Variants in NPR3 observed in about 807,000 individuals in gnomAD.
NPR3 encodes atrial natriuretic peptide receptor 3.
A neutral mutation model predicts 54.5 loss-of-function variants in NPR3; 34 were observed. That is an observed-to-expected ratio of 0.62 (90% CI 0.47 to 0.83). The LOEUF is 0.83. Ranked by LOEUF, NPR3 falls within the 40% of genes least tolerant of loss-of-function variation. The probability of loss-of-function intolerance (pLI) is 0.00; values close to 1 mark genes in which losing one functional copy is unlikely to be tolerated. For synonymous variants in NPR3, 289 were observed against 297.1 expected (o/e 0.97, Z 0.28); for missense variants, 674 against 720.8 (o/e 0.94, Z 0.74).
chr5:32,699,408 A>G (rs1451359083), intron 1 of NPR3, among the ~76,000 whole-genome samples: 1 of 151,830 alleles, frequency 6.6e-6, no homozygotes, highest in Non-Finnish European at 1.5e-5. Context: ...TCCATCATCT[A>G]GGTTTTAAGC....
intron 2 of NPR3, among the ~76,000 whole-genome samples, chr5:32,736,201 A>G (rs1739734437): frequency 7.0e-6 from 1 of 143,138 alleles, no homozygotes; most frequent in Admixed American, 7.3e-5. Context: ...ACTGCCCTCC[A>G]GCCTGGGTGA....
intron 3 of NPR3, among the ~76,000 whole-genome samples, chr5:32,749,309 A>G (rs1330962142): frequency 1.3e-5 from 2 of 152,264 alleles, no homozygotes; most frequent in African/African-American, 4.8e-5. Flanking sequence ...GAAGGAAAAA[A>G]GATTTTTTAA....
At chr5:32,704,579 A>G (rs138683063), upstream of NPR3, among the ~76,000 whole-genome samples, 520 of 152,342 alleles carry the variant, frequency 3.4e-3, 2 homozygotes, top group African/African-American at 0.011. Flanking sequence ...TTCTAAATGC[A>G]TGATCTTAAC....
chr5:32,758,642 C>T (rs1305370672), intron 3 of NPR3, among the ~76,000 whole-genome samples: 2 of 152,056 alleles, frequency 1.3e-5, no homozygotes, highest in East Asian at 1.9e-4. Context: ...TTGCCTTCTG[C>T]TAGCTTTTGA....
chr5:32,717,613 G>A (rs1215300531), intron 1 of NPR3, among the ~76,000 whole-genome samples: 4 of 152,172 alleles, frequency 2.6e-5, no homozygotes, highest in Non-Finnish European at 1.5e-5. Context: ...CAGTGATGAT[G>A]AGCATTTTTT....
rs374937236 is a variant in NPR3 at position 32,786,223 on chromosome 5, C to T, written c.1515-11C>T. ...AAGTTTTATTACCACATTCACTTTC[C>T]CTTTACCCAGGAAGAAATACAGAAT... is the stretch of plus-strand genomic sequence containing the variant. On this transcript the variant is annotated splice_polypyrimidine_tract_variant and intron_variant, in intron 7 of 7. Coordinates refer to ENST00000265074, the MANE Select transcript of NPR3 (RefSeq NM_001204375.2). 9 of 1,170,208 alleles carry T rather than the reference C, an allele frequency of 7.7e-6. No individual in the cohort carries two copies. The highest frequency in any genetic ancestry group is 1.1e-5 in the Non-Finnish European group (9 of 799,748). 72.5% of individuals were successfully genotyped at this position (1,170,208 alleles called of 1,614,324 possible). A position where few individuals can be genotyped will look rare whatever the true frequency, so the allele number is the denominator to read the frequency against.
chr5:32,764,683 G>A (rs973331703), intron 3 of NPR3, among the ~76,000 whole-genome samples: 4 of 150,872 alleles, frequency 2.7e-5, no homozygotes, highest in Non-Finnish European at 4.4e-5. Context: ...AGCTACTTGG[G>A]AGGCTGAGGC....
At chr5:32,726,189 G>A (rs1027930463) in intron 2 of NPR3, among the ~76,000 whole-genome samples, 1 of 152,166 alleles carries the variant, frequency 6.6e-6, no homozygotes, top group Non-Finnish European at 1.5e-5. Flanking sequence ...TCTTGCTGAT[G>A]AGATATAGTT....
At chr5:32,774,898 C>G in intron 4 of NPR3, 55 bp downstream of exon 4, 1 of 1,436,316 alleles carries the variant, frequency 7.0e-7, no homozygotes, top group Non-Finnish European at 9.8e-7. Flanking sequence ...TGCTGCTTTT[C>G]TGGTTCTGTA....
chr5:32,713,259 T>G (rs62369523), intron 1 of NPR3: 245,313 of 985,120 alleles, frequency 0.25, 32,657 homozygotes, highest in Middle Eastern at 0.31. Context: ...GGGAGTGCCT[T>G]TTGAAGAAAC....
At chr5:32,760,348 C>T (rs1292174438) in intron 3 of NPR3, among the ~76,000 whole-genome samples, 2 of 152,116 alleles carry the variant, frequency 1.3e-5, no homozygotes, top group Non-Finnish European at 2.9e-5. Flanking sequence ...GTTCTACAAC[C>T]TCATTTACAC....
chr5:32,711,429 T>G lies in NPR3; in HGVS notation c.-348T>G. On this transcript the variant is annotated 5_prime_UTR_variant, in exon 1 of 8. An upstream open reading frame in the 5' UTR loses its in-frame stop. Coordinates refer to ENST00000265074, the MANE Select transcript of NPR3 (RefSeq NM_001204375.2). ...ACAAAAACGCTTTCAAAAGCAACCT[T>G]AGCAACGCCCAAATAAGAAGCCACC... is the stretch of plus-strand genomic sequence containing the variant. 9.6e-7 allele frequency: 1 copy of G among 1,043,938 alleles called. No homozygotes were observed. The highest frequency in any genetic ancestry group is 1.1e-6 in the Non-Finnish European group (1 of 869,600). The allele number at this position is 1,043,938 out of a possible 1,614,324, so 64.7% of individuals were successfully genotyped here. A position where few individuals can be genotyped will look rare whatever the true frequency, so the allele number is the denominator to read the frequency against.
intron 1 of NPR3, among the ~76,000 whole-genome samples, chr5:32,718,899 G>A (rs1296646576): frequency 1.3e-5 from 2 of 152,176 alleles, no homozygotes; most frequent in African/African-American, 2.4e-5. Context: ...AATAGGAGTG[G>A]TGAGAGAGGG....
chr5:32,722,325 A>C (rs1326771556), intron 1 of NPR3, among the ~76,000 whole-genome samples: 1 of 152,062 alleles, frequency 6.6e-6, no homozygotes, highest in Non-Finnish European at 1.5e-5. Context: ...GGCCTCCCTG[A>C]TTCTGATTTC....
intron 3 of NPR3, among the ~76,000 whole-genome samples, chr5:32,767,523 T>A (rs1484021376): frequency 6.6e-6 from 1 of 152,248 alleles, no homozygotes; most frequent in Non-Finnish European, 1.5e-5. Flanking sequence ...ATTTAGCATT[T>A]TGTAAACCTG....
At position 32,786,360 on chromosome 5, in the gene NPR3, T is replaced by C; in HGVS notation, c.*15T>C. ...CAGTAGCTTAAAGGAAGCCCCCCACTTTTTTTTTTTCTGCCTGAGATTCTT... is the reference window on the plus strand; with the variant it reads ...CAGTAGCTTAAAGGAAGCCCCCCACCTTTTTTTTTTCTGCCTGAGATTCTT... On this transcript the variant is annotated 3_prime_UTR_variant, in exon 8 of 8. Transcript: ENST00000265074. 1 of 834,150 alleles carries C rather than the reference T, an allele frequency of 1.2e-6. No individual in the cohort carries two copies. The highest frequency in any genetic ancestry group is 1.8e-6 in the Non-Finnish European group (1 of 544,702). The allele number at this position is 834,150 out of a possible 1,614,324, so 51.7% of individuals were successfully genotyped here. A position where few individuals can be genotyped will look rare whatever the true frequency, so the allele number is the denominator to read the frequency against.
chr5:32,716,400 T>A (rs1738551176), intron 1 of NPR3: 1 of 455,262 alleles, frequency 2.2e-6, no homozygotes, highest in Non-Finnish European at 4.4e-6. Flanking sequence ...GTCTTATCTG[T>A]TGGAATCCCA....
chr5:32,768,942 G>T (rs1456783292), intron 3 of NPR3, among the ~76,000 whole-genome samples: 1 of 152,222 alleles, frequency 6.6e-6, no homozygotes, highest in East Asian at 1.9e-4. Flanking sequence ...TCCCTGTGGT[G>T]CTTCCTGTCA....
In NPR3 at chr5:32,712,406, G is replaced by A. The variant is rs1738300509; in HGVS notation, c.630G>A (p.Glu210=). The A allele has an allele frequency of 1.2e-6, 2 of 1,613,412 alleles. No individual in the cohort carries two copies. The highest frequency in any genetic ancestry group is 2.2e-5 in the East Asian group (1 of 44,876). ...TGGTCTACAGCGACGACAAGCTGGA[G>A]CGGAACTGCTACTTCACCCTCGAGG... is the stretch of plus-strand genomic sequence containing the variant. ...AALVYSDDKL[E]RNCYFTLEGV... is the part of the protein sequence containing the mutation. Residue 210 remains glutamate, a synonymous_variant, in exon 1 of 8, where the codon GAG becomes GAA. Coordinates refer to ENST00000265074, the MANE Select transcript of NPR3 (RefSeq NM_001204375.2).
Sources: gnomAD v4.1 joint callset for allele counts (sites outside exome capture counted in the v4.1 genomes callset) on GRCh38, gnomAD v4.1.1 for gene constraint, MANE v1.5 for transcripts, NCBI Gene and HGNC (gene_info 2026-07-23, HGNC 2026-07-21) for gene names.